Variants in DCC observed in about 807,000 individuals in gnomAD.
The protein encoded by DCC is netrin receptor DCC.
A neutral mutation model predicts 172.5 loss-of-function variants in DCC; 58 were observed. That is an observed-to-expected ratio of 0.34 (90% CI 0.27 to 0.42). The LOEUF (loss-of-function observed/expected upper bound fraction) is 0.42. Among genes scored for constraint, DCC ranks in the 10% least tolerant of loss-of-function variants. The probability of loss-of-function intolerance (pLI) is 1.00; values close to 1 mark genes in which losing one functional copy is unlikely to be tolerated. For missense variants in DCC, 1,740 were observed against 1,791.0 expected, an observed-to-expected ratio of 0.97 and a Z score of 0.51; for synonymous variants, 709 against 644.5, an observed-to-expected ratio of 1.10 and a Z score of -1.52.
intron 12 of DCC, among the ~76,000 whole-genome samples, chr18:53,216,615 G>C (rs1278313431): frequency 6.6e-6 from 1 of 152,072 alleles, no homozygotes; most frequent in Admixed American, 6.6e-5. Context: ...TTCATTCCAT[G>C]TGCAAATGCC....
rs954754026 is a variant in DCC, at chr18:53,300,131, G to A, written c.1912-5447G>A. 8.5e-5 allele frequency among the ~76,000 whole-genome samples: 13 copies of A among 152,276 alleles called. 1 individual carries two copies. The South Asian group carries it at 2.7e-3, about 32-fold the overall frequency. ...CAATTGTATGTAACTAGATTCCTCT[G>A]AAATTAGTAAAAGATTTTTATTATA... On this transcript the variant is annotated intron_variant, in intron 12 of 28. Transcript: ENST00000442544.
At chr18:52,380,643 T>C (rs1985546085) in intron 1 of DCC, among the ~76,000 whole-genome samples, 1 of 152,188 alleles carries the variant, frequency 6.6e-6, no homozygotes. Context: ...GGTGATTTTA[T>C]AAACTTTGTA....
chr18:52,969,730 T>C (rs1008790304), intron 5 of DCC, among the ~76,000 whole-genome samples: 21 of 152,110 alleles, frequency 1.4e-4, no homozygotes, highest in Non-Finnish European at 2.8e-4. Flanking sequence ...TCATAAAGTA[T>C]ATTTTTCAGG....
intron 1 of DCC, among the ~76,000 whole-genome samples, chr18:52,722,696 G>T (rs1228613724): frequency 1.3e-5 from 2 of 152,044 alleles, no homozygotes; most frequent in African/African-American, 4.8e-5. Flanking sequence ...AACTCTCAGA[G>T]ACTCCTGACC....
chr18:52,960,155 TG>T (rs2040819295), intron 5 of DCC, among the ~76,000 whole-genome samples: 1 of 152,082 alleles, frequency 6.6e-6, no homozygotes, highest in Admixed American at 6.6e-5. Context: ...GAAATTTCCC[TG>T]GGTTTCAAAA....
intron 5 of DCC, among the ~76,000 whole-genome samples, chr18:53,038,281 A>G (rs1415071436): frequency 6.6e-6 from 1 of 152,034 alleles, no homozygotes; most frequent in African/African-American, 2.4e-5. Context: ...AATAATACAT[A>G]TGTAATAATT....
At chr18:52,541,569 A>G (rs2032446974) in intron 1 of DCC, among the ~76,000 whole-genome samples, 1 of 152,108 alleles carries the variant, frequency 6.6e-6, no homozygotes, top group South Asian at 2.1e-4. Context: ...TATCAAGGGC[A>G]TGGACAGATA....
chr18:53,279,620 A>C (rs1466857525), intron 12 of DCC, among the ~76,000 whole-genome samples: 3 of 147,126 alleles, frequency 2.0e-5, no homozygotes, highest in African/African-American at 5.0e-5. Flanking sequence ...CACATTGTGC[A>C]CCTGTACCCT....
chr18:53,082,080 C>T (rs1441516988), intron 7 of DCC, among the ~76,000 whole-genome samples: 1 of 152,094 alleles, frequency 6.6e-6, no homozygotes, highest in Non-Finnish European at 1.5e-5. Flanking sequence ...GGTCCCCATG[C>T]AGCAGTAATG....
At chr18:52,678,034 A>T (rs1870580) in intron 1 of DCC, among the ~76,000 whole-genome samples, 2 of 152,130 alleles carry the variant, frequency 1.3e-5, no homozygotes, top group South Asian at 4.2e-4. Context: ...AGTGGGTATA[A>T]ACTACAAAGA....
intron 5 of DCC, among the ~76,000 whole-genome samples, chr18:52,988,978 C>T (rs893911652): frequency 2.0e-5 from 3 of 151,354 alleles, no homozygotes; most frequent in African/African-American, 7.4e-5. Context: ...CTAACTTTGA[C>T]AACCTAGAAA....
chr18:53,387,126 G>A (rs1908223538), intron 16 of DCC, among the ~76,000 whole-genome samples: 1 of 152,180 alleles, frequency 6.6e-6, no homozygotes, highest in South Asian at 2.1e-4. Flanking sequence ...TTGAAATTTG[G>A]ATGAGTTGGA....
At chr18:53,053,874 C>A (rs557128040) in intron 5 of DCC, among the ~76,000 whole-genome samples, 5 of 152,156 alleles carry the variant, frequency 3.3e-5, no homozygotes, top group Admixed American at 6.6e-5. Flanking sequence ...GAAAATTCGA[C>A]AAAGAAAGAC....
At chr18:53,465,606 T>C (rs955806045) in intron 24 of DCC, among the ~76,000 whole-genome samples, 5 of 152,156 alleles carry the variant, frequency 3.3e-5, no homozygotes, top group African/African-American at 9.7e-5. Context: ...TTCTTGAAAC[T>C]ATAAGGTTTA....
chr18:53,069,019 G>T (rs1044016957), intron 7 of DCC, among the ~76,000 whole-genome samples: 8 of 152,030 alleles, frequency 5.3e-5, no homozygotes, highest in Non-Finnish European at 1.2e-4. Context: ...ACAACATGGT[G>T]GCATGGGGAT....
At chr18:52,849,923 CT>C (rs1379369030) in intron 2 of DCC, among the ~76,000 whole-genome samples, 1 of 152,050 alleles carries the variant, frequency 6.6e-6, no homozygotes, top group Non-Finnish European at 1.5e-5. Flanking sequence ...GAAATAATGT[CT>C]TATAAGCCAC....
At chr18:52,482,587 T>A (rs1192548292) in intron 1 of DCC, among the ~76,000 whole-genome samples, 1 of 152,170 alleles carries the variant, frequency 6.6e-6, no homozygotes, top group Non-Finnish European at 1.5e-5. Flanking sequence ...AAGAAAGCTC[T>A]CTGGGGTCCC....
intron 11 of DCC, among the ~76,000 whole-genome samples, chr18:53,208,689 T>C (rs1367866582): frequency 6.6e-6 from 1 of 152,152 alleles, no homozygotes; most frequent in Non-Finnish European, 1.5e-5. Context: ...GACTCAATTG[T>C]GCTTCACTAC....
intron 1 of DCC, among the ~76,000 whole-genome samples, chr18:52,517,145 A>G (rs1327832783): frequency 6.6e-6 from 1 of 152,214 alleles, no homozygotes; most frequent in South Asian, 2.1e-4. Context: ...CCGACTTTCA[A>G]TAGAGGAAGG....
Sources: gnomAD v4.1 joint callset for allele counts (sites outside exome capture counted in the v4.1 genomes callset) on GRCh38, gnomAD v4.1.1 for gene constraint, MANE v1.5 for transcripts, NCBI Gene and HGNC (gene_info 2026-07-23, HGNC 2026-07-21) for gene names.